Variants in CERS6 observed in about 807,000 individuals in gnomAD.
CERS6 encodes the protein ceramide synthase 6.
A neutral mutation model predicts 56.8 loss-of-function variants in CERS6; 26 were observed. The ratio of observed to expected loss-of-function variants is 0.46; its 90% CI spans 0.34 to 0.63. The LOEUF (loss-of-function observed/expected upper bound fraction) is 0.63. Among genes scored for constraint, CERS6 ranks in the 30% least tolerant of loss-of-function variants. The probability of loss-of-function intolerance (pLI) is 0.01; values close to 1 mark genes in which losing one functional copy is unlikely to be tolerated. For synonymous variants in CERS6, 164 were observed against 173.3 expected (o/e 0.95, Z 0.42); for missense variants, 415 against 467.5 (o/e 0.89, Z 1.04).
At chr2:168,677,308 T>C (rs1167375856) in intron 4 of CERS6, among the ~76,000 whole-genome samples, 1 of 152,108 alleles carries the variant, frequency 6.6e-6, no homozygotes, top group East Asian at 1.9e-4. Context: ...CTGAGAATGA[T>C]GGTTTCCAGC....
intron 1 of CERS6, among the ~76,000 whole-genome samples, chr2:168,470,755 A>G (rs556563968): frequency 7.2e-4 from 109 of 152,316 alleles, no homozygotes; most frequent in African/African-American, 2.5e-3. Context: ...CAGGATTTCT[A>G]AGGAGGGTTC....
chr2:168,682,051 G>A (rs907073891), intron 4 of CERS6, among the ~76,000 whole-genome samples: 6 of 151,948 alleles, frequency 3.9e-5, no homozygotes, highest in African/African-American at 1.5e-4. Flanking sequence ...TCCATATCTT[G>A]GCTATTGTGA....
At chr2:168,471,741 T>G (rs1240039962) in intron 1 of CERS6, among the ~76,000 whole-genome samples, 1 of 152,208 alleles carries the variant, frequency 6.6e-6, no homozygotes, top group Non-Finnish European at 1.5e-5. Context: ...TCCTTTCAGA[T>G]TGTCTAAAGC....
At chr2:168,703,102 A>C (rs960974641) in intron 6 of CERS6, among the ~76,000 whole-genome samples, 1 of 152,234 alleles carries the variant, frequency 6.6e-6, no homozygotes, top group Admixed American at 6.5e-5. Context: ...ATGTGTTTTA[A>C]ATATTTTTAA....
At chr2:168,674,966 ATTTATT>A (rs1686017673) in intron 4 of CERS6, among the ~76,000 whole-genome samples, 1 of 5,172 alleles carries the variant, frequency 1.9e-4, no homozygotes, top group Non-Finnish European at 1.1e-3. Context: ...TACCTTATTT[ATTTATT>A]TATTTATTTA....
At chr2:168,701,993 G>A (rs1034887729) in intron 6 of CERS6, among the ~76,000 whole-genome samples, 1 of 151,886 alleles carries the variant, frequency 6.6e-6, no homozygotes, top group African/African-American at 2.4e-5. Context: ...GTATTTCTTA[G>A]GGAATAATAA....
intron 1 of CERS6, among the ~76,000 whole-genome samples, chr2:168,542,937 T>A (rs533333536): frequency 6.6e-6 from 1 of 152,364 alleles, no homozygotes; most frequent in African/African-American, 2.4e-5. Flanking sequence ...CCTCATGTGA[T>A]CTGCCTGCCT....
chr2:168,661,671 A>C (rs985787862), intron 4 of CERS6, among the ~76,000 whole-genome samples: 3 of 152,222 alleles, frequency 2.0e-5, no homozygotes, highest in Non-Finnish European at 4.4e-5. Context: ...CAGGGTAAGC[A>C]ATGTAAAGTT....
chr2:168,501,451 C>T (rs1031887366), intron 1 of CERS6, among the ~76,000 whole-genome samples: 12 of 152,208 alleles, frequency 7.9e-5, no homozygotes, highest in African/African-American at 2.7e-4. Context: ...GATTCTCCCA[C>T]CTTGTGGTGG....
chr2:168,485,547 C>T (rs1437669704), intron 1 of CERS6, among the ~76,000 whole-genome samples: 4 of 152,110 alleles, frequency 2.6e-5, no homozygotes, highest in African/African-American at 7.2e-5. Flanking sequence ...GATCTTTTTA[C>T]CATATCTATG....
intron 2 of CERS6, among the ~76,000 whole-genome samples, chr2:168,548,192 T>C (rs1308058496): frequency 6.6e-6 from 1 of 152,086 alleles, no homozygotes; most frequent in African/African-American, 2.4e-5. Flanking sequence ...GATTGTACCA[T>C]GAAGTTATGA....
chr2:168,627,354 G>A (rs1198761116), intron 3 of CERS6, among the ~76,000 whole-genome samples: 1 of 152,108 alleles, frequency 6.6e-6, no homozygotes, highest in Non-Finnish European at 1.5e-5. Flanking sequence ...GTATATTGGT[G>A]GGTCAGAATA....
At chr2:168,725,420 C>T (rs1002370268) in intron 8 of CERS6, among the ~76,000 whole-genome samples, 104 of 152,268 alleles carry the variant, frequency 6.8e-4, no homozygotes, top group African/African-American at 2.3e-3. Context: ...GCGCCGAGAG[C>T]GAGCGAGGGC....
intron 8 of CERS6, among the ~76,000 whole-genome samples, chr2:168,750,587 A>G (rs930693623): frequency 5.3e-5 from 8 of 152,224 alleles, no homozygotes; most frequent in African/African-American, 1.7e-4. Flanking sequence ...TTCTTCTATA[A>G]TATAATTTCA....
At chr2:168,586,442 A>AT (rs1683544071) in intron 3 of CERS6, among the ~76,000 whole-genome samples, 1 of 151,986 alleles carries the variant, frequency 6.6e-6, no homozygotes, top group Non-Finnish European at 1.5e-5. Flanking sequence ...TGCAAATTAG[A>AT]TTTTGCCCAA....
intron 3 of CERS6, among the ~76,000 whole-genome samples, chr2:168,597,639 T>G (rs966051464): frequency 7.2e-5 from 11 of 152,174 alleles, no homozygotes; most frequent in African/African-American, 2.4e-4. Context: ...TCCTCCAGTT[T>G]CCCAATGATA....
intron 1 of CERS6, among the ~76,000 whole-genome samples, chr2:168,499,758 C>A (rs1694545996): frequency 6.6e-6 from 1 of 152,192 alleles, no homozygotes; most frequent in South Asian, 2.1e-4. Context: ...GTTTCATCAG[C>A]AGTTTTTCCT....
chr2:168,627,917 T>C (rs1477878984), intron 3 of CERS6, among the ~76,000 whole-genome samples: 5 of 152,152 alleles, frequency 3.3e-5, no homozygotes, highest in Non-Finnish European at 5.9e-5. Flanking sequence ...AATTTTATAC[T>C]GTATGTATCT....
intron 8 of CERS6, among the ~76,000 whole-genome samples, chr2:168,761,772 C>A (rs547856698): frequency 1.5e-3 from 229 of 152,228 alleles, no homozygotes; most frequent in African/African-American, 5.4e-3. Flanking sequence ...TGTTGTCCCC[C>A]TGGCCTGCAA....
Sources: gnomAD v4.1 joint callset for allele counts (sites outside exome capture counted in the v4.1 genomes callset) on GRCh38, gnomAD v4.1.1 for gene constraint, MANE v1.5 for transcripts, NCBI Gene and HGNC (gene_info 2026-07-23, HGNC 2026-07-21) for gene names.